Variants in SEMA3A observed in about 807,000 individuals in gnomAD.
SEMA3A encodes semaphorin-3A.
Under a neutral mutation model 97.9 loss-of-function variants are expected in SEMA3A, and 29 were observed. The ratio of observed to expected loss-of-function variants is 0.30; its 90% CI spans 0.22 to 0.40. SEMA3A has a LOEUF of 0.40. Among genes scored for constraint, SEMA3A ranks in the 10% least tolerant of loss-of-function variants. The pLI is 1.00. For synonymous variants in SEMA3A, 321 were observed against 323.7 expected (o/e 0.99, Z 0.09); for missense variants, 763 against 951.3 (o/e 0.80, Z 2.60).
intron 1 of SEMA3A, among the ~76,000 whole-genome samples, chr7:84,440,632 C>T (rs1474920815): frequency 1.3e-5 from 2 of 152,070 alleles, no homozygotes. Flanking sequence ...CATGCATGCC[C>T]ATGGGAAGGC....
chr7:84,249,092 G>A (rs763429410), intron 3 of SEMA3A, among the ~76,000 whole-genome samples: 7 of 152,156 alleles, frequency 4.6e-5, no homozygotes. Flanking sequence ...GTGCTTCTCT[G>A]AACTCTGCTG....
intron 3 of SEMA3A, among the ~76,000 whole-genome samples, chr7:84,276,892 A>G (rs1363509606): frequency 1.3e-5 from 2 of 152,152 alleles, no homozygotes; most frequent in African/African-American, 4.8e-5. Context: ...TCCCTCAATA[A>G]ATACGAAACT....
At chr7:84,083,811 TAA>T (rs1331490840) in intron 4 of SEMA3A, among the ~76,000 whole-genome samples, 1 of 152,034 alleles carries the variant, frequency 6.6e-6, no homozygotes, top group African/African-American at 2.4e-5. Context: ...TCAGAGAAGT[TAA>T]GTGACTATTC....
chr7:84,177,350 C>T (rs1285266274), intron 1 of SEMA3A, among the ~76,000 whole-genome samples: 1 of 151,972 alleles, frequency 6.6e-6, no homozygotes. Flanking sequence ...ATTCATTCTC[C>T]TATGTGTTTA....
rs138547785 is a variant in SEMA3A, at chr7:84,412,814, C to T, written c.-245-40914G>A. On this transcript the variant is annotated intron_variant, in intron 1 of 3. Transcript: ENST00000424555. ...AAACACTATGGTTGAGTCACTGCAA[C>T]GACACTTCTCCCAGCTATAGTTTTT... Among the ~76,000 whole-genome samples the T allele has an allele frequency of 8.3e-4, 126 of 152,168 alleles. 1 individual carries two copies. Among genetic ancestry groups the T allele is most frequent in the African/African-American group, 2.8e-3 (117 of 41,532 alleles).
rs150445380 is a variant in SEMA3A, at chr7:84,005,393, C to A, written c.1306G>T (p.Val436Leu). ...DVNYQFTQIV[V>L]DRVDAEDGQY... is the part of the protein sequence containing the mutation. The stretch of plus-strand genomic sequence containing the variant: ...CCATCTTCTGCATCCACTCGGTCTA[C>A]GACAATTTGTGTAAATTGATAATTT... Residue 436 changes from valine (V) to leucine (L), a missense_variant, in exon 11 of 17, where the codon GTA becomes TTA. Physicochemically the swap from Val to Leu is conservative, Grantham distance 32. Coordinates refer to ENST00000265362, the MANE Select transcript of SEMA3A (RefSeq NM_006080.3). The A allele has an allele frequency of 6.2e-7, 1 of 1,613,692 alleles. No homozygotes were observed. Among genetic ancestry groups the A allele is most frequent in the South Asian group, 1.1e-5 (1 of 91,072 alleles).
intron 4 of SEMA3A, among the ~76,000 whole-genome samples, chr7:84,094,734 T>A (rs1045991020): frequency 2.0e-5 from 3 of 152,082 alleles, no homozygotes; most frequent in South Asian, 2.1e-4. Flanking sequence ...ACACAAAAAC[T>A]CACAAACCTG....
At chr7:84,408,648 G>A (rs1317368215) in intron 1 of SEMA3A, among the ~76,000 whole-genome samples, 1 of 152,034 alleles carries the variant, frequency 6.6e-6, no homozygotes, top group Non-Finnish European at 1.5e-5. Flanking sequence ...CAACCCAAAT[G>A]TCCAACAATG....
chr7:84,235,255 T>A (rs1799208575), intron 3 of SEMA3A, among the ~76,000 whole-genome samples: 1 of 152,022 alleles, frequency 6.6e-6, no homozygotes, highest in African/African-American at 2.4e-5. Flanking sequence ...ATATTAATAA[T>A]GACAAGATAT....
At chr7:84,225,019 A>G (rs1401831862) in intron 3 of SEMA3A, among the ~76,000 whole-genome samples, 1 of 152,128 alleles carries the variant, frequency 6.6e-6, no homozygotes, top group Non-Finnish European at 1.5e-5. Flanking sequence ...GAAGAAATGA[A>G]TTACAAAGTA....
intron 1 of SEMA3A, among the ~76,000 whole-genome samples, chr7:84,403,494 G>T (rs1376161494): frequency 6.6e-6 from 1 of 152,178 alleles, no homozygotes; most frequent in African/African-American, 2.4e-5. Flanking sequence ...ACAAAAGATA[G>T]CAATAACCTC....
rs755339526 is a variant in SEMA3A, at chr7:84,134,799, G to C, written c.265C>G (p.Gln89Glu). ...SFDLVNIKDFQKIVWPVSYTR... is the reference protein window; with the variant it reads ...SFDLVNIKDFEKIVWPVSYTR... ...ATATATTAGAATACTGATACCTTTT[G>C]AAAATCCTTGATATTAACCAGGTCG... Residue 89 changes from glutamine to glutamate, a missense_variant, in exon 2 of 17, where the codon CAA (glutamine) becomes GAA (glutamate). Gln to Glu is a conservative substitution (Grantham distance 29, BLOSUM62 2). Transcript: ENST00000265362. The C allele has an allele frequency of 6.2e-6, 10 of 1,608,408 alleles. No homozygotes were observed. In the Admixed American group the frequency reaches 1.7e-4, roughly 27 times the overall value.
At chr7:84,452,741 GCAA>G (rs1267309134) in intron 1 of SEMA3A, among the ~76,000 whole-genome samples, 1 of 152,210 alleles carries the variant, frequency 6.6e-6, no homozygotes, top group Non-Finnish European at 1.5e-5. Context: ...ACTGCACACG[GCAA>G]CAACAATTCA....
intron 3 of SEMA3A, among the ~76,000 whole-genome samples, chr7:84,294,401 A>G (rs1002822086): frequency 2.6e-5 from 4 of 151,992 alleles, no homozygotes; most frequent in African/African-American, 7.2e-5. Context: ...TTTGCTGCAT[A>G]TTTTAGCCTG....
In SEMA3A at chr7:84,312,949, CACAT is replaced by C. The variant is rs1263131623; in HGVS notation, c.-168-5661_-168-5658del. Among the ~76,000 whole-genome samples the C allele has an allele frequency of 1.7e-4, 21 of 124,534 alleles. 1 individual carries two copies. Among genetic ancestry groups the C allele is most frequent in the African/African-American group, 6.9e-4 (21 of 30,218 alleles). The allele number at this position is 124,534 out of a possible 152,430, so 81.7% of individuals were successfully genotyped here. On this transcript the variant is annotated intron_variant, in intron 2 of 3. Transcript: ENST00000424555. ...ACACACACACACACACACACGTACA[CACAT>C]ATATGTTACATATTGTATATAATAT...
intron 1 of SEMA3A, among the ~76,000 whole-genome samples, chr7:84,402,658 A>C (rs1444952020): frequency 6.6e-6 from 1 of 152,168 alleles, no homozygotes; most frequent in Admixed American, 6.5e-5. Flanking sequence ...TTTCAGCCAT[A>C]AAAAGAATAT....
intron 1 of SEMA3A, among the ~76,000 whole-genome samples, chr7:84,418,790 G>A (rs1804504364): frequency 6.6e-6 from 1 of 151,960 alleles, no homozygotes; most frequent in Non-Finnish European, 1.5e-5. Context: ...GACTTGGACT[G>A]AGCCATGCTG....
At chr7:84,319,272 GA>G (rs2115901596) in intron 2 of SEMA3A, among the ~76,000 whole-genome samples, 1 of 152,216 alleles carries the variant, frequency 6.6e-6, no homozygotes, top group African/African-American at 2.4e-5. Flanking sequence ...TATTTAGAGG[GA>G]AAAGGAAAGC....
At chr7:84,428,441 T>C (rs1804883572) in intron 1 of SEMA3A, among the ~76,000 whole-genome samples, 1 of 152,068 alleles carries the variant, frequency 6.6e-6, no homozygotes, top group African/African-American at 2.4e-5. Flanking sequence ...ATTTCAAACA[T>C]AACAGCTATC....
Sources: gnomAD v4.1 joint callset for allele counts (sites outside exome capture counted in the v4.1 genomes callset) on GRCh38, gnomAD v4.1.1 for gene constraint, MANE v1.5 for transcripts, NCBI Gene and HGNC (gene_info 2026-07-23, HGNC 2026-07-21) for gene names.